DYDC2: variants seen among roughly 807,000 people sequenced by gnomAD.
The protein encoded by DYDC2 is DPY30 domain-containing protein 2.
Under a neutral mutation model 18.7 loss-of-function variants are expected in DYDC2, and 19 were observed. The ratio of observed to expected loss-of-function variants is 1.02; its 90% confidence interval spans 0.71 to 1.49. The LOEUF is 1.49. DYDC2 is among the 40% of genes most tolerant of loss of function. The pLI, the probability that DYDC2 is intolerant of heterozygous loss-of-function variation, is 0.00. For synonymous variants in DYDC2, 63 were observed against 67.6 expected (o/e 0.93, Z 0.34); for missense variants, 179 against 205.1 (o/e 0.87, Z 0.78).
intron 4 of DYDC2, 89 bp from the exon 5 acceptor site, chr10:80,366,599 A>G: frequency 2.7e-6 from 4 of 1,465,066 alleles, no homozygotes; most frequent in African/African-American, 2.8e-5. Context: ...AGTCTCTGGC[A>G]TGAAAATAGC....
At chr10:80,352,099 G>T, upstream of DYDC2, 1 of 1,137,262 alleles carries the variant, frequency 8.8e-7, no homozygotes, top group Non-Finnish European at 1.3e-6. Context: ...ATTAGGGAAA[G>T]TGTTAAGCAA....
chr10:80,347,934 AG>A (rs1339845971), intron 1 of DYDC2, among the ~76,000 whole-genome samples: 3 of 152,130 alleles, frequency 2.0e-5, no homozygotes, highest in Non-Finnish European at 4.4e-5. Flanking sequence ...TTGGCTATTC[AG>A]GGTCTTTTGT....
At chr10:80,356,198 A>G, upstream of DYDC2, 2 of 963,988 alleles carry the variant, frequency 2.1e-6, no homozygotes, top group Non-Finnish European at 2.5e-6. Flanking sequence ...CCTGTCTGTG[A>G]AACGAGGATA....
At chr10:80,346,572 T>C (rs1379913403) in intron 1 of DYDC2, among the ~76,000 whole-genome samples, 2 of 149,316 alleles carry the variant, frequency 1.3e-5, no homozygotes, top group African/African-American at 2.5e-5. Flanking sequence ...ACCATTCTCC[T>C]GTCTCAGCCT....
upstream of DYDC2, chr10:80,352,422 C>T (rs1326356452): frequency 5.9e-6 from 9 of 1,518,058 alleles, no homozygotes; most frequent in Admixed American, 9.3e-5. Flanking sequence ...AGTTTTTTTT[C>T]TTCTAATTTC....
At chr10:80,352,427 A>T (rs1277923711), upstream of DYDC2, 5 of 1,534,404 alleles carry the variant, frequency 3.3e-6, no homozygotes, top group Admixed American at 1.1e-4. Flanking sequence ...TTTTTCTTCT[A>T]ATTTCCTAGA....
intron 1 of DYDC2, among the ~76,000 whole-genome samples, chr10:80,346,444 CTTTTTTTT>C (rs1032729095): frequency 0.029 from 2,427 of 83,316 alleles, 11 homozygotes; most frequent in Admixed American, 0.039. Flanking sequence ...TCTTCCCTTT[CTTTTTTTT>C]TTTTTTTTTT....
At chr10:80,365,452 C>T (rs1388035441) in intron 4 of DYDC2, among the ~76,000 whole-genome samples, 1 of 152,194 alleles carries the variant, frequency 6.6e-6, no homozygotes, top group Non-Finnish European at 1.5e-5. Flanking sequence ...AAGATCTAAA[C>T]TATACAAATG....
intron 2 of DYDC2, among the ~76,000 whole-genome samples, chr10:80,360,620 T>A (rs1027483188): frequency 1.3e-5 from 2 of 152,108 alleles, no homozygotes; most frequent in Non-Finnish European, 2.9e-5. Flanking sequence ...ACAAGGACAT[T>A]CTCTTACTCA....
Position 80,357,955 on chromosome 10 carries a change from C to G in DYDC2, c.-100C>G. On this transcript the variant is annotated 5_prime_UTR_variant, in exon 2 of 5. Transcript: ENST00000256039. Reference sequence around the variant, plus strand: ...ACAAAGACAACCCCTATTCTTATCACCTTGCCTACTGAGTGCAAGTCCAGG... The same window carrying G: ...ACAAAGACAACCCCTATTCTTATCAGCTTGCCTACTGAGTGCAAGTCCAGG... 2.0e-6 allele frequency: 2 copies of G among 985,050 alleles called. No homozygotes were observed. The highest frequency in any genetic ancestry group is 2.4e-6 in the Non-Finnish European group (2 of 829,550). The allele number at this position is 985,050 out of a possible 1,614,324, so 61.0% of individuals were successfully genotyped here. A position where few individuals can be genotyped will look rare whatever the true frequency, so the allele number is the denominator to read the frequency against.
Position 80,366,790 on chromosome 10 carries a change from A to G in DYDC2, c.373A>G (p.Thr125Ala), listed in dbSNP as rs950503090. 1 of 1,614,190 alleles carries G rather than the reference A, an allele frequency of 6.2e-7. No homozygotes were observed. Among genetic ancestry groups the G allele is most frequent in the South Asian group, 1.1e-5 (1 of 91,092 alleles). ...EALKQEFLPG[T>A]SSLIPGMPQQ... is the part of the protein sequence containing the mutation. ...CTTGAAGCAGGAATTCCTGCCAGGT[A>G]CTTCCAGTCTGATTCCAGGAATGCC... The change falls in exon 5 of 5, where the codon ACT (threonine) becomes GCT (alanine). Residue 125 changes from threonine to alanine, a missense_variant. By Grantham distance (58) the Thr-to-Ala change is moderately conservative. Transcript: ENST00000256039.
At chr10:80,360,856 C>T (rs1378240966) in intron 2 of DYDC2, among the ~76,000 whole-genome samples, 1 of 151,338 alleles carries the variant, frequency 6.6e-6, no homozygotes, top group East Asian at 1.9e-4. Context: ...ACCTCCTGGG[C>T]TCAAGTGATC....
Position 80,349,861 on chromosome 10 carries a change from GA to G in DYDC2, c.-310+5050del, listed in dbSNP as rs377236529. Among the ~76,000 whole-genome samples, 390 of 152,134 alleles carry G rather than the reference GA, an allele frequency of 2.6e-3. 2 individuals carry two copies. The highest frequency in any genetic ancestry group is 9.0e-3 in the African/African-American group (374 of 41,514). On this transcript the variant is annotated intron_variant, in intron 1 of 4. Coordinates refer to the DYDC2 transcript ENST00000372197. ...TACTTCAAAACTAAGCTCTTACATA[GA>G]AAATGGCAATAAAAATACTTCCCTG...
chr10:80,345,991 G>A (rs985477769), intron 1 of DYDC2, among the ~76,000 whole-genome samples: 12 of 152,122 alleles, frequency 7.9e-5, no homozygotes, highest in African/African-American at 1.9e-4. Flanking sequence ...ACAGGTGCAT[G>A]CCATCATCAT....
At chr10:80,365,154 T>TA (rs879565465) in intron 4 of DYDC2, among the ~76,000 whole-genome samples, 4 of 151,020 alleles carry the variant, frequency 2.6e-5, no homozygotes, top group South Asian at 2.1e-4. Flanking sequence ...TTGATCGCTT[T>TA]AAAAAAAAAC....
intron 4 of DYDC2, among the ~76,000 whole-genome samples, chr10:80,366,111 C>T (rs1033637269): frequency 1.5e-5 from 2 of 136,766 alleles, no homozygotes; most frequent in Non-Finnish European, 3.0e-5. Context: ...TGGCTCACTG[C>T]AACCTCTGCC....
chr10:80,352,148 GGAAGATATTTTATCT>G (rs1221058022), upstream of DYDC2: 1 of 786,658 alleles, frequency 1.3e-6, no homozygotes, highest in Non-Finnish European at 2.0e-6. Context: ...TAATAATTTG[GGAAGATATTTTATCT>G]GAATAATGAG....
chr10:80,352,743 C>G, upstream of DYDC2: 1 of 1,144,368 alleles, frequency 8.7e-7, no homozygotes, highest in Non-Finnish European at 1.1e-6. Flanking sequence ...TTGGGGGTGT[C>G]ACAAGCAAGC....
At chr10:80,358,987 T>C (rs560052216) in intron 2 of DYDC2, among the ~76,000 whole-genome samples, 56 of 152,248 alleles carry the variant, frequency 3.7e-4, no homozygotes, top group African/African-American at 1.2e-3. Flanking sequence ...ACCCAAACAA[T>C]GAGCAGCAGC....
Sources: allele counts gnomAD v4.1 joint callset (sites outside exome capture counted in the v4.1 genomes callset), GRCh38; gene constraint gnomAD v4.1.1; transcripts MANE v1.5; gene names NCBI Gene and HGNC (gene_info 2026-07-23, HGNC 2026-07-21).